The following GPRC5D variants were observed in gnomAD, a reference collection of about 807,000 sequenced individuals.
GPRC5D encodes the protein G protein-coupled receptor family C group 5 member D.
Under a neutral mutation model 29.3 loss-of-function variants are expected in GPRC5D, and 20 were observed. The ratio of observed to expected loss-of-function variants is 0.68; its 90% CI spans 0.48 to 0.99. The LOEUF is 0.99. Among genes scored for constraint, GPRC5D ranks in the 50% least tolerant of loss-of-function variants. The pLI is 0.00. For synonymous variants in GPRC5D, 178 were observed against 171.3 expected (o/e 1.04, Z -0.30); for missense variants, 384 against 423.6 (o/e 0.91, Z 0.82).
Position 12,943,304 on chromosome 12 carries a change from C to T in GPRC5D, c.896-976G>A, listed in dbSNP as rs7961993. On this transcript the variant is annotated intron_variant, in intron 1 of 2. Transcript: ENST00000228887. ...GTTTTTTGATGATCACAGACATAAC[C>T]GTGTTAGTAGGGTTCACACTTAGGG... Among the ~76,000 whole-genome samples, 1,048 of 152,192 alleles carry T rather than the reference C, an allele frequency of 6.9e-3. 15 individuals are homozygous for T. The highest frequency in any genetic ancestry group is 0.024 in the African/African-American group (1,004 of 41,518).
intron 2 of GPRC5D, 128 bp from the exon 4 acceptor site, chr12:12,940,977 T>C (rs1863130661): frequency 1.6e-6 from 1 of 608,954 alleles, no homozygotes; most frequent in African/African-American, 1.8e-5. Context: ...AGTGGTGTGA[T>C]CTGGGCTCAC....
chr12:12,944,846 CTTCCTTCTTTCTTTCT>C lies in GPRC5D; in HGVS notation c.896-2534_896-2519del, dbSNP rs1330392065. Among the ~76,000 whole-genome samples the C allele has an allele frequency of 3.2e-3, 99 of 31,204 alleles. 1 individual carries two copies. The highest frequency in any genetic ancestry group is 5.1e-3 in the African/African-American group (51 of 10,006). 20.5% of individuals were successfully genotyped at this position (31,204 alleles called of 152,430 possible). A position where few individuals can be genotyped will look rare whatever the true frequency, so the allele number is the denominator to read the frequency against. On this transcript the variant is annotated intron_variant, in intron 1 of 2. Transcript: ENST00000228887. ...CCTTCCTTCCTTCCTTCCTTCCTTC[CTTCCTTCTTTCTTTCT>C]TTCTTTCTTTCTTTCTTTCTTTCTT...
upstream of GPRC5D, among the ~76,000 whole-genome samples, chr12:12,951,056 G>A (rs1453544657): frequency 6.6e-6 from 1 of 152,112 alleles, no homozygotes; most frequent in Non-Finnish European, 1.5e-5. Context: ...GTTGCAGTGA[G>A]CCAAGATCGC....
chr12:12,942,095 C>G (rs751484606), intron 2 of GPRC5D, among the ~76,000 whole-genome samples, 166 bp downstream of exon 3: 1 of 152,140 alleles, frequency 6.6e-6, no homozygotes, highest in African/African-American at 2.4e-5. Context: ...GCCACCTGGT[C>G]TGGCTTAAAT....
At chr12:12,942,456 T>C (rs1221735487) in intron 1 of GPRC5D, 128 bp from the exon 3 acceptor site, 4 of 654,212 alleles carry the variant, frequency 6.1e-6, no homozygotes, top group Admixed American at 2.6e-5. Flanking sequence ...ATTCTGAGGC[T>C]GGGCACGGTG....
At chr12:12,943,956 G>A (rs185130143) in intron 1 of GPRC5D, among the ~76,000 whole-genome samples, 68 of 152,250 alleles carry the variant, frequency 4.5e-4, no homozygotes, top group Non-Finnish European at 7.6e-4. Context: ...AGGCAGGGAG[G>A]GAGGTGATGA....
chr12:12,944,948 C>A (rs371677188), intron 1 of GPRC5D, among the ~76,000 whole-genome samples: 10 of 7,410 alleles, frequency 1.3e-3, no homozygotes, highest in Admixed American at 0.011. Context: ...CCTTTCTTTC[C>A]TTTTCTTTCC....
chr12:12,944,827 TTCCTTCCTTCCTTCCTTCC>T (rs1565477167), intron 1 of GPRC5D, among the ~76,000 whole-genome samples: 3 of 9,934 alleles, frequency 3.0e-4, no homozygotes, highest in Non-Finnish European at 3.9e-4. Flanking sequence ...CCTTCCTTCC[TTCCTTCCTTCCTTCCTTCC>T]TTCCTTCTTT....
chr12:12,951,736 C>T (rs1295974765), upstream of GPRC5D, among the ~76,000 whole-genome samples: 1 of 152,170 alleles, frequency 6.6e-6, no homozygotes, highest in Non-Finnish European at 1.5e-5. Flanking sequence ...CACTGATGCA[C>T]TGCTTGAAGG....
intron 1 of GPRC5D, among the ~76,000 whole-genome samples, chr12:12,944,777 C>CT (rs1412272525): frequency 6.4e-5 from 2 of 31,406 alleles, no homozygotes; most frequent in African/African-American, 1.1e-4. Flanking sequence ...TCCTTTCTTC[C>CT]TTCCTTCCTT....
chr12:12,944,309 C>T (rs1863220944), intron 1 of GPRC5D: 1 of 152,232 alleles, frequency 6.6e-6, no homozygotes. Flanking sequence ...CTTGACTTAT[C>T]TGTCCTCAGA....
intron 2 of GPRC5D, among the ~76,000 whole-genome samples, chr12:12,941,379 T>C (rs570500729): frequency 6.6e-6 from 1 of 152,270 alleles, no homozygotes; most frequent in African/African-American, 2.4e-5. Context: ...TTGAAATGAA[T>C]CCAAGAAACT....
chr12:12,948,977 G>A (rs999840415), intron 1 of GPRC5D, among the ~76,000 whole-genome samples: 4 of 152,130 alleles, frequency 2.6e-5, no homozygotes, highest in Admixed American at 6.5e-5. Context: ...GAAGTGATTG[G>A]GCTTTATGGC....
exon 1 of GPRC5D, chr12:12,950,029 C>G (rs747686866): frequency 6.2e-7 from 1 of 1,614,080 alleles, no homozygotes; most frequent in South Asian, 1.1e-5. Context: ...GACACAACCC[C>G]GAACCAGCTT....
rs758539628 is a variant in GPRC5D, at chr12:12,950,070, T to C, written c.315A>G (p.Ser105=). The C allele has an allele frequency of 1.5e-5, 25 of 1,613,578 alleles. No homozygotes were observed. In the South Asian group the frequency reaches 2.5e-4, roughly 16 times the overall value. The change falls in exon 1 of 3, where the codon TCA becomes TCG. Residue 105 remains serine, a synonymous_variant. Transcript: ENST00000228887. ...GATTGGAGGCATGAGCTAAGAGGCA[T>C]GAGAAACAGAGAGCAAAGAGAACCC...
chr12:12,946,428 T>G (rs201114942), intron 1 of GPRC5D, among the ~76,000 whole-genome samples: 1 of 54,624 alleles, frequency 1.8e-5, no homozygotes, highest in Non-Finnish European at 5.7e-5. Flanking sequence ...CTCTCTCTCT[T>G]TCTCTCTTTC....
chr12:12,946,751 G>A (rs956961479), intron 1 of GPRC5D, among the ~76,000 whole-genome samples: 10 of 151,988 alleles, frequency 6.6e-5, no homozygotes, highest in African/African-American at 1.5e-4. Context: ...CACTGCGCCC[G>A]GCCATACTTG....
chr12:12,944,817 CCTTCCTTCCTTCCTTCCTTCCT>C (rs1863243172), intron 1 of GPRC5D, among the ~76,000 whole-genome samples: 2 of 7,518 alleles, frequency 2.7e-4, no homozygotes, highest in African/African-American at 4.2e-4. Context: ...TTCCTTCCTT[CCTTCCTTCCTTCCTTCCTTCCT>C]TCCTTCCTTC....
At chr12:12,948,590 A>G (rs1565479744) in intron 1 of GPRC5D, 1 of 154,268 alleles carries the variant, frequency 6.5e-6, no homozygotes, top group Non-Finnish European at 1.5e-5. Flanking sequence ...GCCTATTAAG[A>G]CACAAAAATT....
Sources: allele counts gnomAD v4.1 joint callset (sites outside exome capture counted in the v4.1 genomes callset), GRCh38; gene constraint gnomAD v4.1.1; transcripts MANE v1.5; gene names NCBI Gene and HGNC (gene_info 2026-07-23, HGNC 2026-07-21).